Variants in ZNF483 observed in about 807,000 individuals in gnomAD.
The protein encoded by ZNF483 is zinc finger protein HIT-10.
A neutral mutation model predicts 28.6 loss-of-function variants in ZNF483; 9 were observed. The ratio of observed to expected loss-of-function variants is 0.32; its 90% CI spans 0.19 to 0.55. ZNF483 has a LOEUF of 0.55. ZNF483 is among the 20% of genes least tolerant of loss of function. The pLI is 0.93. For missense variants in ZNF483, 675 were observed against 871.7 expected (o/e 0.77, Z 2.84); for synonymous variants, 322 against 306.2 (o/e 1.05, Z -0.54).
chr9:111,560,464 A>C (rs1589288172), intron 5 of ZNF483, among the ~76,000 whole-genome samples: 3 of 105,834 alleles, frequency 2.8e-5, no homozygotes, highest in Admixed American at 9.9e-5. Context: ...ACAGAGCGAG[A>C]CTCCATCTCA....
intron 5 of ZNF483, among the ~76,000 whole-genome samples, chr9:111,535,345 G>C (rs1404120156): frequency 6.6e-6 from 1 of 152,208 alleles, no homozygotes; most frequent in African/African-American, 2.4e-5. Context: ...GGAATATACA[G>C]GAGCAAGGTT....
At chr9:111,560,069 C>T (rs1397997621), downstream of ZNF483, among the ~76,000 whole-genome samples, 2 of 152,052 alleles carry the variant, frequency 1.3e-5, no homozygotes, top group African/African-American at 4.8e-5. Context: ...GGCATGGTGG[C>T]TTATGCCTCC....
chr9:111,560,926 G>A (rs1473881031), intron 5 of ZNF483, among the ~76,000 whole-genome samples: 1 of 135,110 alleles, frequency 7.4e-6, no homozygotes, highest in African/African-American at 2.8e-5. Context: ...CTGGGCAACA[G>A]AGTGAGACTC....
intron 5 of ZNF483, among the ~76,000 whole-genome samples, chr9:111,535,805 G>A (rs554409335): frequency 6.0e-4 from 92 of 152,102 alleles, no homozygotes; most frequent in African/African-American, 2.0e-3. Context: ...TCGGCTTCCC[G>A]AAGTGCTAGG....
chr9:111,542,778 A>T lies in ZNF483; in HGVS notation c.1843A>T (p.Thr615Ser), dbSNP rs1312639908. The change falls in exon 6 of 6, where the codon ACT becomes TCT. Residue 615 changes from threonine to serine, a missense_variant. Around this residue, in one of 6 missense-constraint regions of ZNF483, gnomAD observed 47 missense variants for 93.5 expected, o/e 0.50. Transcript: ENST00000309235. The surrounding 1 kb of genome is among the most constrained non-coding windows in gnomAD (Gnocchi z 6.2). The stretch of plus-strand genomic sequence containing the variant: ...ATATTTGTGTAATGATTGCGGAATG[A>T]CTTTTAGCCATTTTACGTCTGTGAT... ...KPYLCNDCGM[T>S]FSHFTSVIYH... is the part of the protein sequence containing the mutation. 1 of 1,613,868 alleles carries T rather than the reference A, an allele frequency of 6.2e-7. No individual in the cohort carries two copies. The highest frequency in any genetic ancestry group is 2.2e-5 in the East Asian group (1 of 44,882).
rs1827902216 is a variant in ZNF483, at chr9:111,550,258, C to G, written c.*7088C>G. On this transcript the variant is annotated 3_prime_UTR_variant, in exon 6 of 6. Coordinates refer to ENST00000309235, the MANE Select transcript of ZNF483 (RefSeq NM_133464.5). Reference sequence around the variant, plus strand: ...AATGTCCAGAAAAACAGGTTTCATCCCTTTTTTCTCCTGGAAGCCACTTTA... The same window carrying G: ...AATGTCCAGAAAAACAGGTTTCATCGCTTTTTTCTCCTGGAAGCCACTTTA... 1.3e-5 allele frequency among the ~76,000 whole-genome samples: 2 copies of G among 152,150 alleles called. No individual in the cohort carries two copies. Among genetic ancestry groups the G allele is most frequent in the African/African-American group, 4.8e-5 (2 of 41,422 alleles).
At chr9:111,530,794 TATATATAC>T (rs1475186858) in intron 2 of ZNF483, 73 bp from the exon 3 acceptor site, 3,983 of 55,152 alleles carry the variant, frequency 0.072, 540 homozygotes, top group Non-Finnish European at 0.097. Context: ...TATATATATA[TATATATAC>T]ATATATATAT....
chr9:111,526,804 A>G (rs1488260023), intron 1 of ZNF483, among the ~76,000 whole-genome samples: 1 of 152,162 alleles, frequency 6.6e-6, no homozygotes, highest in Non-Finnish European at 1.5e-5. Flanking sequence ...GTTTTTGACT[A>G]TAAAGAAAAT....
In ZNF483 at chr9:111,542,795, G is replaced by C. The variant is rs142830150; in HGVS notation, c.1860G>C (p.Thr620=). The part of the protein sequence containing the change: ...NDCGMTFSHF[T]SVIYHQRLHS... Reference sequence around the variant, plus strand: ...GCGGAATGACTTTTAGCCATTTTACGTCTGTGATTTATCATCAAAGACTTC... The same window carrying C: ...GCGGAATGACTTTTAGCCATTTTACCTCTGTGATTTATCATCAAAGACTTC... The change falls in exon 6 of 6, where the codon ACG becomes ACC. Residue 620 remains threonine, a synonymous_variant. Coordinates refer to ENST00000309235, the MANE Select transcript of ZNF483 (RefSeq NM_133464.5). This position sits in a 1 kb window ranked among gnomAD's most constrained non-coding sequence, Gnocchi z 6.2. 1 of 1,614,024 alleles carries C rather than the reference G, an allele frequency of 6.2e-7. No homozygotes were observed. Among genetic ancestry groups the C allele is most frequent in the African/African-American group, 1.3e-5 (1 of 75,034 alleles).
intron 5 of ZNF483, chr9:111,539,395 C>T: frequency 2.2e-6 from 1 of 455,716 alleles, no homozygotes; most frequent in South Asian, 1.6e-5. Flanking sequence ...AGCAGTATAA[C>T]CTTTCTACCC....
At chr9:111,532,558 G>T (rs577984723) in intron 3 of ZNF483, among the ~76,000 whole-genome samples, 86 of 152,248 alleles carry the variant, frequency 5.6e-4, no homozygotes, top group African/African-American at 2.0e-3. Flanking sequence ...AGCCTCTGAA[G>T]GGAGCACAGC....
rs1828053243 is a variant in ZNF483, at chr9:111,554,173, T to C, written c.*11003T>C. 2.0e-5 allele frequency among the ~76,000 whole-genome samples: 3 copies of C among 152,232 alleles called. No individual in the cohort carries two copies. Among genetic ancestry groups the C allele is most frequent in the African/African-American group, 4.8e-5 (2 of 41,466 alleles). On this transcript the variant is annotated 3_prime_UTR_variant, in exon 6 of 6. Coordinates refer to ENST00000309235, the MANE Select transcript of ZNF483 (RefSeq NM_133464.5). ...TTGACATCACAAACTACTACTATTA[T>C]GTTATTGGAACTAACTACTTAGCAA... is the stretch of plus-strand genomic sequence containing the variant.
intron 5 of ZNF483, among the ~76,000 whole-genome samples, chr9:111,573,820 C>A (rs926377043): frequency 3.9e-5 from 6 of 152,136 alleles, no homozygotes; most frequent in African/African-American, 1.4e-4. Flanking sequence ...GTTGATACTG[C>A]TTTTGGACCT....
chr9:111,564,189 G>T (rs1331699626), intron 5 of ZNF483: 6 of 1,043,026 alleles, frequency 5.8e-6, no homozygotes, highest in East Asian at 2.0e-4. Flanking sequence ...GTATTCCAGT[G>T]ATGGCTTAGC....
chr9:111,537,410 C>T (rs1055216645), intron 5 of ZNF483, among the ~76,000 whole-genome samples: 1 of 151,924 alleles, frequency 6.6e-6, no homozygotes, highest in African/African-American at 2.4e-5. Flanking sequence ...TCAGTAGAGA[C>T]GGGGTTTAAC....
At position 111,527,814 on chromosome 9, in the gene ZNF483, T is replaced by A. The variant is rs1230517571; in HGVS notation, c.412+7T>A. ...CAGATGCTTGAAGAAAAAGGTGAGA[T>A]TTATAGATGGAGGGAGGAAGCGGGA... On this transcript the variant is annotated splice_region_variant and intron_variant, in intron 2 of 5. Coordinates refer to ENST00000309235, the MANE Select transcript of ZNF483 (RefSeq NM_133464.5). 2 of 1,613,898 alleles carry A rather than the reference T, an allele frequency of 1.2e-6. No individual in the cohort carries two copies. The highest frequency in any genetic ancestry group is 2.2e-5 in the South Asian group (2 of 91,056).
At chr9:111,531,725 G>C (rs1827351702) in intron 3 of ZNF483, among the ~76,000 whole-genome samples, 1 of 152,122 alleles carries the variant, frequency 6.6e-6, no homozygotes, top group Non-Finnish European at 1.5e-5. Flanking sequence ...CATCTAGGCT[G>C]GAGTGGAGTG....
chr9:111,546,000 G>A lies in ZNF483; in HGVS notation c.*2830G>A, dbSNP rs1261062037. Among the ~76,000 whole-genome samples, 7 of 152,070 alleles carry A rather than the reference G, an allele frequency of 4.6e-5. No individual in the cohort carries two copies. The highest frequency in any genetic ancestry group is 8.8e-5 in the Non-Finnish European group (6 of 67,994). On this transcript the variant is annotated 3_prime_UTR_variant, in exon 6 of 6. Transcript: ENST00000309235. ...TGCCAAATTGTTTTCCAAAGTGACCGCATTATTTTACATTCTGACTAGTAA... is the reference window on the plus strand; with the variant it reads ...TGCCAAATTGTTTTCCAAAGTGACCACATTATTTTACATTCTGACTAGTAA...
Position 111,545,661 on chromosome 9 carries a change from G to A in ZNF483, c.*2491G>A, listed in dbSNP as rs993119616. Among the ~76,000 whole-genome samples, 1 of 152,068 alleles carries A rather than the reference G, an allele frequency of 6.6e-6. No individual in the cohort carries two copies. Among genetic ancestry groups the A allele is most frequent in the African/African-American group, 2.4e-5 (1 of 41,390 alleles). Reference sequence around the variant, plus strand: ...TTTTTCTGTACATTTTATGTTATATGTGATCTTTCTGTGTTTTTTTCATTA... The same window carrying A: ...TTTTTCTGTACATTTTATGTTATATATGATCTTTCTGTGTTTTTTTCATTA... On this transcript the variant is annotated 3_prime_UTR_variant, in exon 6 of 6. Coordinates refer to ENST00000309235, the MANE Select transcript of ZNF483 (RefSeq NM_133464.5).
Sources: allele counts gnomAD v4.1 joint callset (sites outside exome capture counted in the v4.1 genomes callset), GRCh38; gene constraint gnomAD v4.1.1; regional missense constraint gnomAD v4.1.1; non-coding constraint Gnocchi (gnomAD v3.1); transcripts MANE v1.5; gene names NCBI Gene and HGNC (gene_info 2026-07-23, HGNC 2026-07-21).